UVRAG: variants seen among roughly 807,000 people sequenced by gnomAD.
The protein encoded by UVRAG is UV radiation resistance associated.
Under a neutral mutation model 78.0 loss-of-function variants are expected in UVRAG, and 19 were observed. The observed-to-expected ratio is 0.24, with a 90% CI of 0.17 to 0.36. The LOEUF (loss-of-function observed/expected upper bound fraction) is 0.36, where lower values mean the gene tolerates loss of function less well. UVRAG is among the 10% of genes least tolerant of loss of function. The pLI is 1.00. For synonymous variants in UVRAG, 323 were observed against 324.6 expected, an observed-to-expected ratio of 1.00 and a Z score of 0.05; for missense variants, 740 against 853.8, an observed-to-expected ratio of 0.87 and a Z score of 1.66.
chr11:76,017,046 A>G (rs770223878), intron 12 of UVRAG, 66 bp downstream of exon 12: 163 of 1,174,598 alleles, frequency 1.4e-4, no homozygotes, highest in Non-Finnish European at 1.9e-4. Flanking sequence ...GGGTATAACA[A>G]AATACATAAA....
At chr11:75,989,448 G>A (rs942719593) in intron 8 of UVRAG, among the ~76,000 whole-genome samples, 5 of 152,050 alleles carry the variant, frequency 3.3e-5, no homozygotes, top group Non-Finnish European at 5.9e-5. Flanking sequence ...CACGTTTCTT[G>A]TTTTCCTTCT....
At chr11:76,094,152 G>A (rs1306042290) in intron 13 of UVRAG, among the ~76,000 whole-genome samples, 2 of 152,106 alleles carry the variant, frequency 1.3e-5, no homozygotes, top group Non-Finnish European at 2.9e-5. Context: ...TTATATGCTG[G>A]ATTACGTTTA....
intron 6 of UVRAG, among the ~76,000 whole-genome samples, chr11:75,920,290 G>T (rs1202997609): frequency 6.6e-6 from 1 of 151,986 alleles, no homozygotes; most frequent in Non-Finnish European, 1.5e-5. Context: ...CTCCCAAAGT[G>T]CTGGGATTAC....
At chr11:76,039,123 A>G (rs1950594326) in intron 12 of UVRAG, among the ~76,000 whole-genome samples, 3 of 152,144 alleles carry the variant, frequency 2.0e-5, no homozygotes, top group African/African-American at 7.2e-5. Flanking sequence ...ACTTTGGACA[A>G]GTTACTTGAT....
intron 13 of UVRAG, among the ~76,000 whole-genome samples, chr11:76,113,303 T>C (rs1952114624): frequency 6.6e-6 from 1 of 151,724 alleles, no homozygotes; most frequent in Non-Finnish European, 1.5e-5. Context: ...AAGAAAAAGC[T>C]AGTAGATAAT....
chr11:76,076,035 T>C (rs986529979), intron 13 of UVRAG, among the ~76,000 whole-genome samples: 7 of 152,244 alleles, frequency 4.6e-5, no homozygotes, highest in Admixed American at 6.5e-5. Context: ...TTGGCTGTTA[T>C]AAGAATGCTG....
intron 1 of UVRAG, among the ~76,000 whole-genome samples, chr11:75,846,256 C>T (rs7122386): frequency 6.6e-5 from 10 of 152,082 alleles, no homozygotes; most frequent in Non-Finnish European, 1.3e-4. Flanking sequence ...AGACTTACCG[C>T]GTTTCAGTCA....
At chr11:75,973,913 C>G (rs1388212846) in intron 7 of UVRAG, among the ~76,000 whole-genome samples, 1 of 152,172 alleles carries the variant, frequency 6.6e-6, no homozygotes, top group Admixed American at 6.5e-5. Flanking sequence ...GCATAGTATT[C>G]CATGGTGTAT....
At position 75,880,928 on chromosome 11, in the gene UVRAG, CTTTTT is replaced by C. The variant is rs773034018; in HGVS notation, c.432+911_432+915del. ...CTTTCTTCCTTTCTTTTATTTACTT[CTTTTT>C]TTTTTTTTTTTTTTTTTTTTTTAAA... is the stretch of plus-strand genomic sequence containing the variant. On this transcript the variant is annotated intron_variant, in intron 4 of 14. Coordinates refer to ENST00000356136, the MANE Select transcript of UVRAG (RefSeq NM_003369.4). Among the ~76,000 whole-genome samples, 466 of 87,698 alleles carry C rather than the reference CTTTTT, an allele frequency of 5.3e-3. 2 individuals are homozygous for C. The highest frequency in any genetic ancestry group is 0.019 in the African/African-American group (443 of 23,388). 57.5% of individuals were successfully genotyped at this position (87,698 alleles called of 152,430 possible).
intron 11 of UVRAG, 89 bp downstream of exon 11, chr11:76,008,956 A>G: frequency 1.3e-6 from 1 of 774,018 alleles, no homozygotes; most frequent in Non-Finnish European, 2.0e-6. Flanking sequence ...CACTTTATCC[A>G]AAGGAATTTT....
intron 14 of UVRAG, chr11:76,137,384 A>G: frequency 2.2e-6 from 1 of 456,286 alleles, no homozygotes; most frequent in Non-Finnish European, 4.4e-6. Context: ...GTCATCGCTC[A>G]GTAATGTTCA....
chr11:75,883,583 A>AT (rs1284047059), intron 4 of UVRAG, among the ~76,000 whole-genome samples: 3 of 152,292 alleles, frequency 2.0e-5, no homozygotes, highest in Non-Finnish European at 4.4e-5. Flanking sequence ...AGTTAGGTTC[A>AT]TTGATAGATC....
At chr11:75,937,646 G>T (rs1948399196) in intron 6 of UVRAG, among the ~76,000 whole-genome samples, 1 of 152,006 alleles carries the variant, frequency 6.6e-6, no homozygotes, top group Admixed American at 6.6e-5. Context: ...TATGTAGTGT[G>T]TCTTTTTTTC....
intron 12 of UVRAG, among the ~76,000 whole-genome samples, chr11:76,054,382 C>A (rs1950937747): frequency 1.3e-5 from 2 of 152,188 alleles, no homozygotes; most frequent in African/African-American, 2.4e-5. Flanking sequence ...AGTAGCCTCC[C>A]CTTGTTTCTT....
intron 10 of UVRAG, among the ~76,000 whole-genome samples, chr11:76,008,307 C>A (rs1016816317): frequency 6.6e-6 from 1 of 152,012 alleles, no homozygotes; most frequent in Non-Finnish European, 1.5e-5. Context: ...TAAGATATTC[C>A]TGGGGTAACT....
intron 6 of UVRAG, among the ~76,000 whole-genome samples, chr11:75,924,969 C>A (rs532251654): frequency 6.6e-6 from 1 of 152,258 alleles, no homozygotes; most frequent in Admixed American, 6.5e-5. Context: ...AGAATAAAAT[C>A]AGCGTAAAGA....
chr11:75,969,345 T>A (rs1949083531), intron 7 of UVRAG, among the ~76,000 whole-genome samples: 2 of 152,244 alleles, frequency 1.3e-5, no homozygotes, highest in South Asian at 4.1e-4. Context: ...AGCTGAATAA[T>A]ACTGCATTGT....
chr11:76,018,408 G>T (rs767182386), intron 12 of UVRAG, among the ~76,000 whole-genome samples: 4 of 150,832 alleles, frequency 2.7e-5, no homozygotes, highest in South Asian at 2.1e-4. Context: ...TGTTTTTTTT[G>T]TTGTTGTTGT....
In UVRAG at chr11:75,815,387, C is replaced by G. The variant is rs550112757; in HGVS notation, c.-21C>G. 3.5e-5 allele frequency: 43 copies of G among 1,212,180 alleles called. No homozygotes were observed. The African/African-American group carries it at 6.1e-4, about 17-fold the overall frequency. 75.1% of individuals were successfully genotyped at this position (1,212,180 alleles called of 1,614,324 possible). On this transcript the variant is annotated 5_prime_UTR_variant, in exon 1 of 15. Transcript: ENST00000356136. ...TGCCGGAAGAGTGCCCGCCCCGCCG[C>G]TTGGCGGCCCCTGGATCGAGATGAG...
Sources: allele counts gnomAD v4.1 joint callset (sites outside exome capture counted in the v4.1 genomes callset), GRCh38; gene constraint gnomAD v4.1.1; transcripts MANE v1.5; gene names NCBI Gene and HGNC (gene_info 2026-07-23, HGNC 2026-07-21).